Variants in ATAD2B observed in about 807,000 individuals in gnomAD.
ATAD2B encodes the protein ATPase family AAA domain-containing protein 2B.
Under a neutral mutation model 167.6 loss-of-function variants are expected in ATAD2B, and 40 were observed. The ratio of observed to expected loss-of-function variants is 0.24; its 90% CI spans 0.19 to 0.31. The LOEUF (loss-of-function observed/expected upper bound fraction) is 0.31, where lower values mean the gene tolerates loss of function less well. Among genes scored for constraint, ATAD2B ranks in the 10% least tolerant of loss-of-function variants. The pLI is 1.00. For synonymous variants in ATAD2B, 579 were observed against 596.5 expected, an observed-to-expected ratio of 0.97 and a Z score of 0.43; for missense variants, 1,242 against 1,757.2, an observed-to-expected ratio of 0.71 and a Z score of 5.24.
At chr2:23,836,126 CA>C (rs139563810) in intron 13 of ATAD2B, among the ~76,000 whole-genome samples, 15,627 of 152,166 alleles carry the variant, frequency 0.1, 896 homozygotes, top group Middle Eastern at 0.18. Context: ...CCATGCCTGC[CA>C]GGGGCAAGCC....
intron 18 of ATAD2B, among the ~76,000 whole-genome samples, chr2:23,802,260 T>C (rs577030769): frequency 6.6e-6 from 1 of 152,080 alleles, no homozygotes; most frequent in South Asian, 2.1e-4. Flanking sequence ...CTTTGTGCCA[T>C]GCTATCAGAA....
At chr2:23,697,650 T>A in the ATAD2B span, 1 of 152,242 alleles carries the variant, frequency 6.6e-6, no homozygotes, top group African/African-American at 2.4e-5. Flanking sequence ...ATGCTCATTG[T>A]GGGCTTTTAA....
At chr2:23,836,343 T>C (rs1241809431) in intron 13 of ATAD2B, among the ~76,000 whole-genome samples, 2 of 152,100 alleles carry the variant, frequency 1.3e-5, no homozygotes, top group Admixed American at 1.3e-4. Context: ...CCTGGAAGCT[T>C]GGAGACTCCA....
intron 22 of ATAD2B, among the ~76,000 whole-genome samples, chr2:23,773,632 G>T (rs1360792669): frequency 6.6e-6 from 1 of 152,182 alleles, no homozygotes; most frequent in Non-Finnish European, 1.5e-5. Flanking sequence ...TTAAAATTGT[G>T]TGGGAATAGA....
At chr2:23,693,479 A>G in the ATAD2B span, 1 of 1,551,658 alleles carries the variant, frequency 6.4e-7, no homozygotes, top group Non-Finnish European at 8.7e-7. Flanking sequence ...GAGCTGGTGT[A>G]CGAGACAGTC....
chr2:23,821,627 T>C (rs1191933520), intron 16 of ATAD2B, among the ~76,000 whole-genome samples: 2 of 152,136 alleles, frequency 1.3e-5, no homozygotes, highest in Non-Finnish European at 2.9e-5. Flanking sequence ...TTAGTATAAT[T>C]CTCTGAATAA....
At chr2:23,889,729 G>A (rs1329539262) in intron 2 of ATAD2B, among the ~76,000 whole-genome samples, 4 of 151,724 alleles carry the variant, frequency 2.6e-5, no homozygotes, top group African/African-American at 9.7e-5. Context: ...AGACCAGCCT[G>A]GCCAACATGG....
intron 13 of ATAD2B, among the ~76,000 whole-genome samples, chr2:23,837,549 C>A (rs1288178584): frequency 6.6e-6 from 1 of 152,232 alleles, no homozygotes; most frequent in African/African-American, 2.4e-5. Context: ...TCCCACTTGT[C>A]CCCAGTTTCC....
the ATAD2B span, among the ~76,000 whole-genome samples, chr2:23,686,988 CA>C: frequency 6.6e-6 from 1 of 152,136 alleles, no homozygotes; most frequent in African/African-American, 2.4e-5. Flanking sequence ...CGTGTAAAAT[CA>C]TAGAGAATTT....
the ATAD2B span, among the ~76,000 whole-genome samples, chr2:23,686,469 G>A: frequency 6.6e-6 from 1 of 152,130 alleles, no homozygotes; most frequent in Non-Finnish European, 1.5e-5. Context: ...CAGGAAATTG[G>A]TTCAAGTGAT....
At chr2:23,826,594 T>C (rs1688295295) in intron 15 of ATAD2B, among the ~76,000 whole-genome samples, 1 of 152,118 alleles carries the variant, frequency 6.6e-6, no homozygotes, top group Non-Finnish European at 1.5e-5. Context: ...AAAATACAGC[T>C]ACTAAAGAGG....
chr2:23,859,716 G>A (rs1273259121), intron 12 of ATAD2B, among the ~76,000 whole-genome samples: 1 of 152,074 alleles, frequency 6.6e-6, no homozygotes, highest in Non-Finnish European at 1.5e-5. Flanking sequence ...GGGAGGTCGA[G>A]ACAGGCGGAT....
intron 17 of ATAD2B, among the ~76,000 whole-genome samples, chr2:23,817,961 G>A (rs1462616974): frequency 6.6e-6 from 1 of 151,988 alleles, no homozygotes. Flanking sequence ...ATCTATTTCT[G>A]TATTCCTTTA....
chr2:23,796,668 T>A (rs745804701), intron 19 of ATAD2B, among the ~76,000 whole-genome samples: 6 of 152,212 alleles, frequency 3.9e-5, no homozygotes, highest in African/African-American at 1.4e-4. Context: ...AGGATCTAAC[T>A]TGTAAAGTGG....
intron 1 of ATAD2B, among the ~76,000 whole-genome samples, chr2:23,915,261 C>A (rs1254532687): frequency 6.6e-6 from 1 of 151,854 alleles, no homozygotes; most frequent in Non-Finnish European, 1.5e-5. Flanking sequence ...AACACAGTAA[C>A]CAAGTATTCT....
chr2:23,879,320 AG>A (rs1697502816), intron 7 of ATAD2B, among the ~76,000 whole-genome samples: 1 of 152,018 alleles, frequency 6.6e-6, no homozygotes, highest in Non-Finnish European at 1.5e-5. Flanking sequence ...AAAAAAAAAA[AG>A]GAATACACAG....
intron 5 of ATAD2B, 48 bp downstream of exon 5, chr2:23,885,679 A>G (rs184579797): frequency 4.2e-6 from 5 of 1,185,246 alleles, no homozygotes; most frequent in East Asian, 2.6e-5. Context: ...AAATTCCTCA[A>G]TTAAAATGAA....
chr2:23,879,768 C>T (rs530990674), intron 7 of ATAD2B, among the ~76,000 whole-genome samples: 1 of 152,146 alleles, frequency 6.6e-6, no homozygotes, highest in Admixed American at 6.6e-5. Context: ...AAGATACTCT[C>T]CCTAGGCCGT....
chr2:23,921,406 T>C (rs967407200), intron 1 of ATAD2B, among the ~76,000 whole-genome samples: 1 of 152,070 alleles, frequency 6.6e-6, no homozygotes, highest in African/African-American at 2.4e-5. Flanking sequence ...CAAACACTGG[T>C]TGGGCTTCTC....
Sources: gnomAD v4.1 joint callset for allele counts (sites outside exome capture counted in the v4.1 genomes callset) on GRCh38, gnomAD v4.1.1 for gene constraint, MANE v1.5 for transcripts, NCBI Gene and HGNC (gene_info 2026-07-23, HGNC 2026-07-21) for gene names.